PPARA: variants seen among roughly 807,000 people sequenced by gnomAD.
PPARA encodes peroxisome proliferator activated receptor alpha, also known as peroxisome proliferator-activated receptor alpha.
PPARA carries 22 observed loss-of-function variants against 42.2 expected under a neutral mutation model. The ratio of observed to expected loss-of-function variants is 0.52; its 90% CI spans 0.37 to 0.74. The LOEUF (loss-of-function observed/expected upper bound fraction) is 0.74. Among genes scored for constraint, PPARA ranks in the 30% least tolerant of loss-of-function variants. PPARA has a pLI of 0.00. For synonymous variants in PPARA, 242 were observed against 239.3 expected (o/e 1.01, Z -0.10); for missense variants, 465 against 608.2 (o/e 0.76, Z 2.48).
Position 46,160,711 on chromosome 22 carries a change from C to G in PPARA, c.-127+8741C>G, listed in dbSNP as rs960863841. On this transcript the variant is annotated intron_variant, in intron 2 of 8. Coordinates refer to ENST00000407236, the MANE Select transcript of PPARA (RefSeq NM_005036.6). The surrounding 1 kb of genome is among the most constrained non-coding windows in gnomAD (Gnocchi z 4.5). Reference sequence around the variant, plus strand: ...CACCTCTCTGGCTCAAGCAATCCTCCCTCCTCAGCCTCCTGAGCAGCTGGG... The same window carrying G: ...CACCTCTCTGGCTCAAGCAATCCTCGCTCCTCAGCCTCCTGAGCAGCTGGG... 5.9e-5 allele frequency among the ~76,000 whole-genome samples: 9 copies of G among 152,182 alleles called. No homozygotes were observed. Among genetic ancestry groups the G allele is most frequent in the African/African-American group, 2.2e-4 (9 of 41,428 alleles).
chr22:46,172,631 A>C (rs1019790145), intron 2 of PPARA, among the ~76,000 whole-genome samples: 15 of 152,202 alleles, frequency 9.9e-5, no homozygotes, highest in Admixed American at 3.9e-4. Context: ...AAAGAAAAAA[A>C]CAGACTTTCC....
In PPARA at chr22:46,192,693, C is replaced by G. The variant is rs1931723602; in HGVS notation, c.-42-5649C>G. 6.6e-6 allele frequency among the ~76,000 whole-genome samples: 1 copy of G among 152,162 alleles called. No individual in the cohort carries two copies. Among genetic ancestry groups the G allele is most frequent in the Non-Finnish European group, 1.5e-5 (1 of 68,028 alleles). On this transcript the variant is annotated intron_variant, in intron 3 of 8. Transcript: ENST00000407236. This position sits in a 1 kb window ranked among gnomAD's most constrained non-coding sequence, Gnocchi z 4.3. Reference sequence around the variant, plus strand: ...ACCTGCACTCTTGTTTGTTGCAACACTGTTTACAATAGCTAAGATTTGGAA... The same window carrying G: ...ACCTGCACTCTTGTTTGTTGCAACAGTGTTTACAATAGCTAAGATTTGGAA...
rs1395051265 is a variant in PPARA, at chr22:46,238,333, T to C, written c.*2953T>C. On this transcript the variant is annotated 3_prime_UTR_variant, in exon 9 of 9. Coordinates refer to ENST00000407236, the MANE Select transcript of PPARA (RefSeq NM_005036.6). The surrounding 1 kb of genome is among the most constrained non-coding windows in gnomAD (Gnocchi z 8.3). ...ATTTCTCAGGGCATCAATACTCAAA[T>C]ATAGGCTGATTATGCCCCAGTTCAA... 6.6e-6 allele frequency: 1 copy of C among 152,230 alleles called. No homozygotes were observed. The highest frequency in any genetic ancestry group is 1.5e-5 in the Non-Finnish European group (1 of 68,046). 9.4% of individuals were successfully genotyped at this position (152,230 alleles called of 1,614,324 possible).
intron 4 of PPARA, among the ~76,000 whole-genome samples, chr22:46,205,552 ATATTTTTTTTTTT>A (rs1933208324): frequency 8.8e-5 from 2 of 22,818 alleles, no homozygotes; most frequent in South Asian, 5.0e-3. Context: ...ATATATATAT[ATATTTTTTTTTTT>A]TTTTTTTTTT....
At position 46,192,000 on chromosome 22, in the gene PPARA, A is replaced by C. The variant is rs1050023428; in HGVS notation, c.-42-6342A>C. Reference sequence around the variant, plus strand: ...GAATCACTTGAACCCGTGAAACGGAAGTTGCGGTGAGCCGAGATCACGCCA... The same window carrying C: ...GAATCACTTGAACCCGTGAAACGGACGTTGCGGTGAGCCGAGATCACGCCA... On this transcript the variant is annotated intron_variant, in intron 3 of 8. Transcript: ENST00000407236. This position sits in a 1 kb window ranked among gnomAD's most constrained non-coding sequence, Gnocchi z 4.6. 2.6e-5 allele frequency among the ~76,000 whole-genome samples: 4 copies of C among 152,168 alleles called. No individual in the cohort carries two copies. Among genetic ancestry groups the C allele is most frequent in the African/African-American group, 9.7e-5 (4 of 41,448 alleles).
intron 4 of PPARA, among the ~76,000 whole-genome samples, chr22:46,199,658 A>C (rs1932764266): frequency 6.6e-6 from 1 of 152,176 alleles, no homozygotes; most frequent in Non-Finnish European, 1.5e-5. Context: ...AATTTTTTTA[A>C]GCAACATTGA....
In PPARA at chr22:46,184,317, T is replaced by TGTTCACCAATAATTACCATAATAG; in HGVS notation, c.-43+7483_-43+7506dup. 6.6e-6 allele frequency among the ~76,000 whole-genome samples: 1 copy of TGTTCACCAATAATTACCATAATAG among 152,186 alleles called. No individual in the cohort carries two copies. Among genetic ancestry groups the TGTTCACCAATAATTACCATAATAG allele is most frequent in the African/African-American group, 2.4e-5 (1 of 41,432 alleles). ...CCTTCTAAAACATCATAAGAAACCATGTTCACCAATAATTACCATAATAGG... is the reference window on the plus strand; with the variant it reads ...CCTTCTAAAACATCATAAGAAACCATGTTCACCAATAATTACCATAATAGGTTCACCAATAATTACCATAATAGG... On this transcript the variant is annotated intron_variant, in intron 3 of 8. Transcript: ENST00000407236. The surrounding 1 kb of genome is among the most constrained non-coding windows in gnomAD (Gnocchi z 4.4).
rs183406234 is a variant in PPARA at position 46,221,753 on chromosome 22, C to A, written c.711+1739C>A. Among the ~76,000 whole-genome samples, 361 of 151,884 alleles carry A rather than the reference C, an allele frequency of 2.4e-3. 2 individuals carry two copies. The highest frequency in any genetic ancestry group is 8.1e-3 in the African/African-American group (337 of 41,414). On this transcript the variant is annotated intron_variant, in intron 7 of 8. Transcript: ENST00000407236. The surrounding 1 kb of genome is among the most constrained non-coding windows in gnomAD (Gnocchi z 5.9). ...GGCAGAGCTTGCAGTGAGCCGAGAT[C>A]GTGCCACTGCACTTCCAGCCTGGGC...
intron 4 of PPARA, among the ~76,000 whole-genome samples, chr22:46,210,541 C>T (rs1933828735): frequency 6.6e-6 from 1 of 151,796 alleles, no homozygotes; most frequent in Admixed American, 6.6e-5. Context: ...CTCCTGGGTT[C>T]AAGTGATTCT....
At chr22:46,218,458 C>T in intron 6 of PPARA, 57 bp downstream of exon 6, 6 of 1,606,422 alleles carry the variant, frequency 3.7e-6, no homozygotes, top group Non-Finnish European at 3.4e-6. Context: ...CCCTTCCTTG[C>T]TCCAAGGGAA....
intron 3 of PPARA, among the ~76,000 whole-genome samples, chr22:46,189,421 ACT>A (rs1347136054): frequency 6.6e-6 from 1 of 152,050 alleles, no homozygotes; most frequent in Non-Finnish European, 1.5e-5. Flanking sequence ...TGGGCTTGTC[ACT>A]CTTGTTTATG....
Position 46,196,717 on chromosome 22 carries a change from G to A in PPARA, c.-42-1625G>A, listed in dbSNP as rs1438895301. On this transcript the variant is annotated intron_variant, in intron 3 of 8. Coordinates refer to ENST00000407236, the MANE Select transcript of PPARA (RefSeq NM_005036.6). The surrounding 1 kb of genome is among the most constrained non-coding windows in gnomAD (Gnocchi z 5.6). ...CCCTGAGAGCAGGGATCTGATTTTT[G>A]TTAGTTGTTGTTGTTGCTGTTTTGA... Among the ~76,000 whole-genome samples the A allele has an allele frequency of 2.6e-5, 4 of 152,152 alleles. No individual in the cohort carries two copies. The highest frequency in any genetic ancestry group is 5.9e-5 in the Non-Finnish European group (4 of 68,012).
intron 2 of PPARA, among the ~76,000 whole-genome samples, chr22:46,157,460 G>A (rs1183690765): frequency 6.6e-6 from 1 of 152,188 alleles, no homozygotes; most frequent in African/African-American, 2.4e-5. Flanking sequence ...TCTGTAGGGA[G>A]CAGGTGTTTC....
chr22:46,227,553 A>C lies in PPARA; in HGVS notation c.712-4239A>C, dbSNP rs751378197. ...GGGCATGAGCTACTGCGCCTGGTCCACATTTAATTTTTTGCAAAAAGATGA... is the reference window on the plus strand; with the variant it reads ...GGGCATGAGCTACTGCGCCTGGTCCCCATTTAATTTTTTGCAAAAAGATGA... On this transcript the variant is annotated intron_variant, in intron 7 of 8. Coordinates refer to ENST00000407236, the MANE Select transcript of PPARA (RefSeq NM_005036.6). This position sits in a 1 kb window ranked among gnomAD's most constrained non-coding sequence, Gnocchi z 4.3. Among the ~76,000 whole-genome samples the C allele has an allele frequency of 1.3e-5, 2 of 152,236 alleles. No homozygotes were observed. The highest frequency in any genetic ancestry group is 2.4e-5 in the African/African-American group (1 of 41,554).
At chr22:46,174,291 G>C (rs545728528) in intron 2 of PPARA, among the ~76,000 whole-genome samples, 8 of 53,936 alleles carry the variant, frequency 1.5e-4, no homozygotes, top group African/African-American at 3.3e-4. Context: ...TGATAAAGCA[G>C]ATGGTTAAGT....
At chr22:46,155,170 A>G (rs1925117263) in intron 2 of PPARA, 1 of 151,894 alleles carries the variant, frequency 6.6e-6, no homozygotes, top group Admixed American at 6.6e-5. Flanking sequence ...TTTACTTCCA[A>G]GTAGTCAGTG....
At chr22:46,159,083 C>T (rs534322635) in intron 2 of PPARA, among the ~76,000 whole-genome samples, 24 of 152,106 alleles carry the variant, frequency 1.6e-4, no homozygotes, top group Non-Finnish European at 1.6e-4. Context: ...TGGAGACGGG[C>T]TTTCACCATG....
intron 3 of PPARA, among the ~76,000 whole-genome samples, chr22:46,197,537 A>C (rs1321153362): frequency 6.6e-6 from 1 of 152,126 alleles, no homozygotes; most frequent in Non-Finnish European, 1.5e-5. Context: ...CCTGGAGGAG[A>C]GGCTCAGTGG....
rs569616875 is a variant in PPARA at position 46,172,346 on chromosome 22, T to C, written c.-126-4407T>C. ...AAAAAAAAAAAAAAAAAAAACAGCA[T>C]TGGGCCGGGCAGTGGCTCACGCCTG... On this transcript the variant is annotated intron_variant, in intron 2 of 8. Coordinates refer to ENST00000407236, the MANE Select transcript of PPARA (RefSeq NM_005036.6). Among the ~76,000 whole-genome samples, 15 of 144,680 alleles carry C rather than the reference T, an allele frequency of 1.0e-4. No homozygotes were observed. In the East Asian group the frequency reaches 1.6e-3, roughly 15 times the overall value. 94.9% of individuals were successfully genotyped at this position (144,680 alleles called of 152,430 possible).
Sources: gnomAD v4.1 joint callset for allele counts (sites outside exome capture counted in the v4.1 genomes callset) on GRCh38, gnomAD v4.1.1 for gene constraint, Gnocchi (gnomAD v3.1) non-coding constraint, MANE v1.5 for transcripts, NCBI Gene and HGNC (gene_info 2026-07-23, HGNC 2026-07-21) for gene names.